FAF1: variants seen among roughly 807,000 people sequenced by gnomAD.
FAF1 encodes the protein FAS-associated factor 1.
A neutral mutation model predicts 92.5 loss-of-function variants in FAF1; 25 were observed. The observed-to-expected ratio is 0.27, with a 90% confidence interval of 0.20 to 0.38. The LOEUF (loss-of-function observed/expected upper bound fraction) is 0.38, where lower values mean the gene tolerates loss of function less well. Ranked by LOEUF, FAF1 falls within the 10% of genes least tolerant of loss-of-function variation. The probability of loss-of-function intolerance (pLI) is 1.00; values close to 1 mark genes in which losing one functional copy is unlikely to be tolerated. For synonymous variants in FAF1, 234 were observed against 273.2 expected, an observed-to-expected ratio of 0.86 and a Z score of 1.42; for missense variants, 636 against 793.3, an observed-to-expected ratio of 0.80 and a Z score of 2.38.
At position 50,779,991 on chromosome 1, in the gene FAF1, G is replaced by GACAGACACACACACAC. The variant is rs369288416; in HGVS notation, c.367+8008_367+8009insGTGTGTGTGTGTCTGT. ...ACAAGCACACATGCACAGACAGACA[G>GACAGACACACACACAC]ACACACACACACACACACACACACA... On this transcript the variant is annotated intron_variant, in intron 4 of 18. Transcript: ENST00000396153. Among the ~76,000 whole-genome samples the GACAGACACACACACAC allele has an allele frequency of 8.5e-3, 1,238 of 145,512 alleles. 15 individuals carry two copies. Among genetic ancestry groups the GACAGACACACACACAC allele is most frequent in the Non-Finnish European group, 0.011 (745 of 66,146 alleles).
At chr1:50,787,311 A>G (rs1661396038) in intron 4 of FAF1, among the ~76,000 whole-genome samples, 3 of 152,186 alleles carry the variant, frequency 2.0e-5, no homozygotes, top group Non-Finnish European at 4.4e-5. Flanking sequence ...AAATTCAGGT[A>G]TTGTCTATGT....
intron 4 of FAF1, among the ~76,000 whole-genome samples, chr1:50,758,003 T>A (rs1409492772): frequency 6.6e-6 from 1 of 152,178 alleles, no homozygotes; most frequent in Non-Finnish European, 1.5e-5. Flanking sequence ...CTGCAACCTC[T>A]GCCTCTGACA....
At chr1:50,722,377 G>C (rs561026009) in intron 6 of FAF1, among the ~76,000 whole-genome samples, 1 of 152,148 alleles carries the variant, frequency 6.6e-6, no homozygotes, top group Non-Finnish European at 1.5e-5. Context: ...GGCCGGGCGC[G>C]GTGGCTCACG....
chr1:50,661,073 C>A (rs748083403), intron 7 of FAF1, among the ~76,000 whole-genome samples: 2 of 151,786 alleles, frequency 1.3e-5, no homozygotes, highest in Non-Finnish European at 2.9e-5. Flanking sequence ...TAACAGACAT[C>A]AAAAAGAAAA....
At chr1:50,658,233 TA>T (rs1655214357) in intron 7 of FAF1, among the ~76,000 whole-genome samples, 1 of 152,154 alleles carries the variant, frequency 6.6e-6, no homozygotes, top group African/African-American at 2.4e-5. Flanking sequence ...TACTTTGAAA[TA>T]ATTTCTTGAA....
chr1:50,783,649 G>A (rs919657649), intron 4 of FAF1, among the ~76,000 whole-genome samples: 4 of 152,070 alleles, frequency 2.6e-5, no homozygotes, highest in African/African-American at 4.8e-5. Flanking sequence ...TGAGGTGGGC[G>A]GATCACTTGA....
chr1:50,708,339 C>T (rs1657777183), intron 6 of FAF1, among the ~76,000 whole-genome samples: 1 of 152,070 alleles, frequency 6.6e-6, no homozygotes, highest in Non-Finnish European at 1.5e-5. Context: ...AGACCACTTA[C>T]TGATGGAGTG....
chr1:50,556,756 G>A (rs754218681), intron 13 of FAF1, among the ~76,000 whole-genome samples: 2 of 152,044 alleles, frequency 1.3e-5, no homozygotes, highest in Non-Finnish European at 2.9e-5. Flanking sequence ...AGGACTGCTT[G>A]AGCCTAGCAG....
At chr1:50,691,250 C>CTTTTTTTTTT (rs942286728) in intron 7 of FAF1, among the ~76,000 whole-genome samples, 3 of 147,416 alleles carry the variant, frequency 2.0e-5, no homozygotes, top group Admixed American at 6.8e-5. Flanking sequence ...TCACTGTCAC[C>CTTTTTTTTTT]TTTTTTTTTT....
At chr1:50,898,575 G>A (rs1253711231) in intron 1 of FAF1, among the ~76,000 whole-genome samples, 1 of 151,870 alleles carries the variant, frequency 6.6e-6, no homozygotes, top group Non-Finnish European at 1.5e-5. Flanking sequence ...TTTTTACAAT[G>A]AAAAAATAAA....
At chr1:50,881,859 T>C (rs556628219) in intron 1 of FAF1, among the ~76,000 whole-genome samples, 6 of 152,338 alleles carry the variant, frequency 3.9e-5, no homozygotes, top group African/African-American at 1.4e-4. Context: ...AGTGCATTTA[T>C]GAGAAGGCAA....
chr1:50,856,741 T>G (rs973147567), intron 2 of FAF1, among the ~76,000 whole-genome samples: 2 of 151,762 alleles, frequency 1.3e-5, no homozygotes, highest in Non-Finnish European at 3.0e-5. Context: ...ATATGTAACA[T>G]GTATATGCAG....
At chr1:50,865,292 G>T (rs970003967) in intron 1 of FAF1, among the ~76,000 whole-genome samples, 1 of 151,838 alleles carries the variant, frequency 6.6e-6, no homozygotes, top group Non-Finnish European at 1.5e-5. Context: ...ATTCCTCAGG[G>T]ATCTAGAACT....
chr1:50,867,505 T>C (rs1242573883), intron 1 of FAF1, among the ~76,000 whole-genome samples: 1 of 151,830 alleles, frequency 6.6e-6, no homozygotes, highest in East Asian at 1.9e-4. Flanking sequence ...AACAATCCTA[T>C]TAAAAACTGG....
chr1:50,724,922 G>C (rs149471119), intron 6 of FAF1, among the ~76,000 whole-genome samples: 1 of 152,144 alleles, frequency 6.6e-6, no homozygotes, highest in African/African-American at 2.4e-5. Context: ...CAGGTCTACT[G>C]CATCAGTCCA....
intron 6 of FAF1, among the ~76,000 whole-genome samples, chr1:50,724,911 G>A (rs932573996): frequency 9.9e-5 from 15 of 152,112 alleles, no homozygotes; most frequent in African/African-American, 3.1e-4. Context: ...GGTTAGTAAG[G>A]CAGGTCTACT....
chr1:50,663,792 C>T lies in FAF1; in HGVS notation c.658-8264G>A, dbSNP rs954993345. Among the ~76,000 whole-genome samples, 15 of 151,554 alleles carry T rather than the reference C, an allele frequency of 9.9e-5. 1 individual carries two copies. Among genetic ancestry groups the T allele is most frequent in the African/African-American group, 3.7e-4 (15 of 40,886 alleles). ...TTTACTGATACTAAAATTCTTTGAA[C>T]TCTGCCTAAGGTGGCCAGTCACTTT... On this transcript the variant is annotated intron_variant, in intron 7 of 18. Coordinates refer to ENST00000396153, the MANE Select transcript of FAF1 (RefSeq NM_007051.3).
intron 8 of FAF1, among the ~76,000 whole-genome samples, chr1:50,609,021 AACAG>A (rs1409588744): frequency 6.6e-6 from 1 of 152,110 alleles, no homozygotes; most frequent in Non-Finnish European, 1.5e-5. Flanking sequence ...ACTCTGGGGG[AACAG>A]ACAGACAGTA....
chr1:50,724,923 C>T (rs188756099), intron 6 of FAF1, among the ~76,000 whole-genome samples: 2,005 of 152,236 alleles, frequency 0.013, 28 homozygotes, highest in Non-Finnish European at 0.016. Flanking sequence ...AGGTCTACTG[C>T]ATCAGTCCAT....
Sources: gnomAD v4.1 joint callset for allele counts (sites outside exome capture counted in the v4.1 genomes callset) on GRCh38, gnomAD v4.1.1 for gene constraint, MANE v1.5 for transcripts, NCBI Gene and HGNC (gene_info 2026-07-23, HGNC 2026-07-21) for gene names.